The following ZFP28 variants were observed in gnomAD, a reference collection of about 807,000 sequenced individuals.
ZFP28 encodes the protein zinc finger protein 28 homolog.
ZFP28 carries 31 observed loss-of-function variants against 39.5 expected under a neutral mutation model. The ratio of observed to expected loss-of-function variants is 0.79; its 90% CI spans 0.59 to 1.06. ZFP28 has a LOEUF of 1.06. Among genes scored for constraint, ZFP28 ranks in the 50% least tolerant of loss-of-function variants. The pLI, the probability that ZFP28 is intolerant of heterozygous loss-of-function variation, is 0.00. For synonymous variants in ZFP28, 400 were observed against 378.6 expected, an observed-to-expected ratio of 1.06 and a Z score of -0.66; for missense variants, 925 against 1,048.4, an observed-to-expected ratio of 0.88 and a Z score of 1.63.
rs1163784082 is a variant in ZFP28 at position 56,556,081 on chromosome 19, G to A, written c.*689G>A. On this transcript the variant is annotated 3_prime_UTR_variant, in exon 8 of 8. Transcript: ENST00000301318. ...TAAAACTTTTAAGGAACCATTCATT[G>A]TGAGGTAAACTGATCCAGAATAGGG... 1 of 152,174 alleles carries A rather than the reference G, an allele frequency of 6.6e-6. No homozygotes were observed. Among genetic ancestry groups the A allele is most frequent in the Non-Finnish European group, 1.5e-5 (1 of 68,056 alleles). The allele number at this position is 152,174 out of a possible 1,614,324, so 9.4% of individuals were successfully genotyped here.
intron 2 of ZFP28, among the ~76,000 whole-genome samples, chr19:56,545,369 C>T (rs531312284): frequency 5.6e-4 from 85 of 152,286 alleles, no homozygotes; most frequent in African/African-American, 1.8e-3. Context: ...TACAAATGTC[C>T]TTAAAGTTTG....
At chr19:56,540,667 T>C (rs899213239) in intron 2 of ZFP28, among the ~76,000 whole-genome samples, 4 of 152,202 alleles carry the variant, frequency 2.6e-5, no homozygotes, top group Admixed American at 6.5e-5. Context: ...GCAGAAAATA[T>C]GTTAGGCTTT....
In ZFP28 at chr19:56,553,967, T is replaced by C; in HGVS notation, c.1182T>C (p.Asn394=). ...ACGATTCAGAAGAGAAAGTTCATAA[T>C]CGTGATTCAATTAAAAATTTTCAAA... is the stretch of plus-strand genomic sequence containing the variant. The part of the protein sequence containing the change: ...YLDDSEEKVH[N]RDSIKNFQKS... The change falls in exon 8 of 8, where the codon AAT becomes AAC. Residue 394 remains asparagine, a synonymous_variant. Coordinates refer to ENST00000301318, the MANE Select transcript of ZFP28 (RefSeq NM_020828.2). 1 of 1,612,048 alleles carries C rather than the reference T, an allele frequency of 6.2e-7. No individual in the cohort carries two copies. Among genetic ancestry groups the C allele is most frequent in the South Asian group, 1.1e-5 (1 of 90,520 alleles).
chr19:56,556,421 T>G lies in ZFP28; in HGVS notation c.*1029T>G, dbSNP rs2044351456. The G allele has an allele frequency of 6.6e-6, 1 of 152,174 alleles. No individual in the cohort carries two copies. Among genetic ancestry groups the G allele is most frequent in the Non-Finnish European group, 1.5e-5 (1 of 68,036 alleles). 9.4% of individuals were successfully genotyped at this position (152,174 alleles called of 1,614,324 possible). ...CACAGAAAATGTGTGTGATCCCTGC[T>G]ATGGAGCAGAGGTTATCAAACTAAA... On this transcript the variant is annotated 3_prime_UTR_variant, in exon 8 of 8. Transcript: ENST00000301318.
Position 56,538,982 on chromosome 19 carries a change from G to C in ZFP28, c.-37G>C, listed in dbSNP as rs1387468145. 1.2e-5 allele frequency: 16 copies of C among 1,375,192 alleles called. No homozygotes were observed. Among genetic ancestry groups the C allele is most frequent in the Non-Finnish European group, 1.5e-5 (16 of 1,068,626 alleles). 85.2% of individuals were successfully genotyped at this position (1,375,192 alleles called of 1,614,324 possible). On this transcript the variant is annotated 5_prime_UTR_variant, in exon 1 of 8. Transcript: ENST00000301318. ...GTGGCCAGGGGTGTGGGTCTGTGAG[G>C]GACCGGTCGGAAGGGCGTCGCGCGG...
chr19:56,544,937 CA>C lies in ZFP28; in HGVS notation c.301-2568del, dbSNP rs199852720. ...ACGTGATTACATTGAAGGCATTTAA[CA>C]AACCACTGGTACAAAAGCAGATCAC... On this transcript the variant is annotated intron_variant, in intron 2 of 7. Transcript: ENST00000301318. 8.3e-3 allele frequency among the ~76,000 whole-genome samples: 1,266 copies of C among 152,298 alleles called. 19 individuals are homozygous for C. Among genetic ancestry groups the C allele is most frequent in the Admixed American group, 0.029 (450 of 15,308 alleles).
chr19:56,539,554 G>A (rs775227339), intron 1 of ZFP28, 71 bp from the exon 2 acceptor site: 2 of 1,306,170 alleles, frequency 1.5e-6, no homozygotes, highest in Admixed American at 3.5e-5. Context: ...CATGCAGGAA[G>A]GGACGTTTCT....
intron 2 of ZFP28, among the ~76,000 whole-genome samples, chr19:56,540,869 C>T (rs2044189665): frequency 6.6e-6 from 1 of 151,976 alleles, no homozygotes; most frequent in Admixed American, 6.5e-5. Flanking sequence ...GGATCTCACA[C>T]TCATCTGACT....
chr19:56,552,077 C>T, intron 7 of ZFP28: 1 of 720,532 alleles, frequency 1.4e-6, no homozygotes, highest in African/African-American at 1.9e-5. Flanking sequence ...TTTTTAATGA[C>T]TATTTAGTAT....
chr19:56,543,085 T>A (rs1387187903), intron 2 of ZFP28, among the ~76,000 whole-genome samples: 1 of 152,124 alleles, frequency 6.6e-6, no homozygotes, highest in African/African-American at 2.4e-5. Context: ...TTGAAAAAAA[T>A]GTACACTTCA....
chr19:56,544,195 C>T (rs1270208597), intron 2 of ZFP28, among the ~76,000 whole-genome samples: 8 of 152,144 alleles, frequency 5.3e-5, no homozygotes, highest in East Asian at 3.9e-4. Flanking sequence ...ACTTAGATGG[C>T]GTACTTCAAA....
At chr19:56,543,324 T>C (rs1641248541) in intron 2 of ZFP28, among the ~76,000 whole-genome samples, 1 of 147,886 alleles carries the variant, frequency 6.8e-6, no homozygotes, top group Admixed American at 6.8e-5. Flanking sequence ...TGTGTTTATA[T>C]ATTATATAGA....
chr19:56,553,848 A>G lies in ZFP28; in HGVS notation c.1063A>G (p.Thr355Ala). 6.2e-7 allele frequency: 1 copy of G among 1,614,164 alleles called. No individual in the cohort carries two copies. The highest frequency in any genetic ancestry group is 8.5e-7 in the Non-Finnish European group (1 of 1,180,026). ...AAGGAAGCTTGCAGTAGGTCAAGAG[A>G]CACAATTCAGGCAAGAGCCAATTAC... ...FGRKLAVGQE[T>A]QFRQEPITHN... The change falls in exon 8 of 8, where the codon ACA (threonine) becomes GCA (alanine). Residue 355 changes from threonine (T) to alanine (A), a missense_variant. Coordinates refer to ENST00000301318, the MANE Select transcript of ZFP28 (RefSeq NM_020828.2).
chr19:56,539,755 C>G (rs775629149), intron 2 of ZFP28, 39 bp downstream of exon 2: 15 of 1,576,694 alleles, frequency 9.5e-6, no homozygotes, highest in Non-Finnish European at 1.2e-5. Context: ...GAAATGCAGT[C>G]TTGCTTTTCG....
chr19:56,549,299 C>G (rs1014799593), intron 5 of ZFP28, among the ~76,000 whole-genome samples, 178 bp downstream of exon 5: 1 of 152,182 alleles, frequency 6.6e-6, no homozygotes. Flanking sequence ...CACATAAGAA[C>G]AGTGGAGGGG....
At chr19:56,551,595 G>C (rs932044796) in intron 7 of ZFP28, 1 of 985,238 alleles carries the variant, frequency 1.0e-6, no homozygotes, top group Non-Finnish European at 1.2e-6. Context: ...ATGAGCACCT[G>C]CTAGGCTCTG....
chr19:56,543,296 T>C (rs2044211532), intron 2 of ZFP28, among the ~76,000 whole-genome samples: 1 of 148,762 alleles, frequency 6.7e-6, no homozygotes, highest in Admixed American at 6.7e-5. Context: ...TTAATGTCTC[T>C]ATCTTTGTGT....
chr19:56,550,918 C>G, intron 7 of ZFP28: 1 of 1,425,686 alleles, frequency 7.0e-7, no homozygotes, highest in Non-Finnish European at 9.1e-7. Flanking sequence ...GTTTTCTCTT[C>G]TGTGGTTAAA....
At position 56,547,396 on chromosome 19, in the gene ZFP28, A is replaced by C; in HGVS notation, c.301-112A>C. 4 of 1,469,934 alleles carry C rather than the reference A, an allele frequency of 2.7e-6. No homozygotes were observed. Among genetic ancestry groups the C allele is most frequent in the Non-Finnish European group, 3.8e-6 (4 of 1,066,298 alleles). The allele number at this position is 1,469,934 out of a possible 1,614,324, so 91.1% of individuals were successfully genotyped here. ...GTCACATTCAAAAGTACTGGGGATT[A>C]GGAGTTTAATGTAGGAGTTTTGTCA... On this transcript the variant is annotated intron_variant, in intron 2 of 7. Transcript: ENST00000301318. The surrounding 1 kb of genome is among the most constrained non-coding windows in gnomAD (Gnocchi z 4.6).
Sources: allele counts gnomAD v4.1 joint callset (sites outside exome capture counted in the v4.1 genomes callset), GRCh38; gene constraint gnomAD v4.1.1; non-coding constraint Gnocchi (gnomAD v3.1); transcripts MANE v1.5; gene names NCBI Gene and HGNC (gene_info 2026-07-23, HGNC 2026-07-21).